The following ARB2A variants were observed in gnomAD, a reference collection of about 807,000 sequenced individuals.
ARB2A encodes the protein ARB2 cotranscriptional regulator A.
chr5:93,768,506 A>G, the ARB2A span, among the ~76,000 whole-genome samples: 1 of 150,092 alleles, frequency 6.7e-6, no homozygotes, highest in African/African-American at 2.4e-5. Context: ...CGCTATATAT[A>G]GTGTATATAC....
the ARB2A span, among the ~76,000 whole-genome samples, chr5:93,947,050 C>T: frequency 6.6e-6 from 1 of 152,074 alleles, no homozygotes; most frequent in Non-Finnish European, 1.5e-5. Context: ...TTCCTTAACT[C>T]TAGCTTTCAA....
the ARB2A span, among the ~76,000 whole-genome samples, chr5:93,677,282 T>A: frequency 1.3e-5 from 2 of 152,294 alleles, no homozygotes; most frequent in South Asian, 4.1e-4. Flanking sequence ...AAGATACAGA[T>A]ACTCAGCATT....
the ARB2A span, among the ~76,000 whole-genome samples, chr5:93,682,283 C>T: frequency 6.8e-6 from 1 of 147,832 alleles, no homozygotes; most frequent in Non-Finnish European, 1.5e-5. Context: ...GCCATTTGAT[C>T]TTGCCCACTG....
chr5:93,900,962 C>T, the ARB2A span, among the ~76,000 whole-genome samples: 2 of 152,134 alleles, frequency 1.3e-5, no homozygotes, highest in South Asian at 2.1e-4. Context: ...CTGAGAACTA[C>T]TCTTAGGTTT....
chr5:93,934,300 A>C, the ARB2A span, among the ~76,000 whole-genome samples: 2 of 152,218 alleles, frequency 1.3e-5, no homozygotes, highest in African/African-American at 4.8e-5. Flanking sequence ...AGAATGATAA[A>C]GATATTCTCA....
the ARB2A span, among the ~76,000 whole-genome samples, chr5:93,729,249 T>C: frequency 6.6e-6 from 1 of 152,178 alleles, no homozygotes; most frequent in Non-Finnish European, 1.5e-5. Flanking sequence ...CCCATTCCTC[T>C]AACACTGGCC....
the ARB2A span, among the ~76,000 whole-genome samples, chr5:93,765,073 C>T: frequency 3.3e-5 from 5 of 152,246 alleles, no homozygotes; most frequent in African/African-American, 7.2e-5. Flanking sequence ...ATATGACAAA[C>T]GCACAGCCAA....
chr5:93,886,166 A>T, the ARB2A span, among the ~76,000 whole-genome samples: 2 of 151,784 alleles, frequency 1.3e-5, no homozygotes, highest in Admixed American at 6.6e-5. Flanking sequence ...ACCAATTATA[A>T]GAAAAATGGA....
chr5:93,702,068 G>T, the ARB2A span, among the ~76,000 whole-genome samples: 1 of 152,102 alleles, frequency 6.6e-6, no homozygotes, highest in African/African-American at 2.4e-5. Context: ...CTTTGGGAAG[G>T]CATTTTATTC....
At chr5:94,047,303 C>G in the ARB2A span, among the ~76,000 whole-genome samples, 3 of 151,934 alleles carry the variant, frequency 2.0e-5, no homozygotes, top group South Asian at 6.2e-4. Flanking sequence ...ACCAGCCTGG[C>G]TAACATGGTG....
chr5:93,852,379 A>G, the ARB2A span, among the ~76,000 whole-genome samples: 1 of 152,102 alleles, frequency 6.6e-6, no homozygotes, highest in African/African-American at 2.4e-5. Flanking sequence ...AGTAGATTGC[A>G]AAAATTTTCT....
the ARB2A span, among the ~76,000 whole-genome samples, chr5:93,833,850 T>A: frequency 6.6e-6 from 1 of 152,228 alleles, no homozygotes; most frequent in Non-Finnish European, 1.5e-5. Flanking sequence ...AACTTTTATT[T>A]GAGATTCAGA....
chr5:93,730,228 AATTTATGGCTGCAG>A, the ARB2A span, among the ~76,000 whole-genome samples: 4 of 152,140 alleles, frequency 2.6e-5, 1 homozygote, highest in South Asian at 8.3e-4. Flanking sequence ...AGAAGACAAA[AATTTATGGCTGCAG>A]ATTAACTACT....
chr5:93,997,617 G>T, the ARB2A span, among the ~76,000 whole-genome samples: 2 of 151,846 alleles, frequency 1.3e-5, no homozygotes, highest in Admixed American at 1.3e-4. Context: ...TGCATCAATT[G>T]TAACTCCTGG....
the ARB2A span, among the ~76,000 whole-genome samples, chr5:93,907,695 A>G: frequency 1.3e-5 from 2 of 151,402 alleles, no homozygotes; most frequent in Admixed American, 1.3e-4. Flanking sequence ...TTAAACTGTT[A>G]TTTTAAAAAT....
chr5:93,758,612 C>T, the ARB2A span, among the ~76,000 whole-genome samples: 1 of 152,102 alleles, frequency 6.6e-6, no homozygotes, highest in Non-Finnish European at 1.5e-5. Flanking sequence ...CATGCAAATA[C>T]ATGGAAATTA....
chr5:93,924,333 G>GC, the ARB2A span, among the ~76,000 whole-genome samples: 1 of 152,166 alleles, frequency 6.6e-6, no homozygotes, highest in African/African-American at 2.4e-5. Flanking sequence ...ATGATTTAAT[G>GC]CCCAAGTTTT....
the ARB2A span, among the ~76,000 whole-genome samples, chr5:93,935,730 T>C: frequency 6.6e-6 from 1 of 152,214 alleles, no homozygotes; most frequent in African/African-American, 2.4e-5. Context: ...TCACCAAATA[T>C]AATATTTCAC....
chr5:93,931,440 G>A, the ARB2A span, among the ~76,000 whole-genome samples: 18 of 151,948 alleles, frequency 1.2e-4, no homozygotes, highest in African/African-American at 4.1e-4. Context: ...TTCCAGCCTG[G>A]GCAACAAGAG....
Sources: allele counts gnomAD v4.1 joint callset (sites outside exome capture counted in the v4.1 genomes callset), GRCh38; gene constraint gnomAD v4.1.1; transcripts MANE v1.5; gene names NCBI Gene and HGNC (gene_info 2026-07-23, HGNC 2026-07-21).